PLEKHA6: variants seen among roughly 807,000 people sequenced by gnomAD.
PLEKHA6 encodes pleckstrin homology domain containing A6.
Under a neutral mutation model 116.7 loss-of-function variants are expected in PLEKHA6, and 60 were observed. That is an observed-to-expected ratio of 0.51 (90% CI 0.42 to 0.64). The LOEUF (loss-of-function observed/expected upper bound fraction) is 0.64. Among genes scored for constraint, PLEKHA6 ranks in the 30% least tolerant of loss-of-function variants. PLEKHA6 has a pLI of 0.00. For missense variants in PLEKHA6, 1,338 were observed against 1,422.7 expected, an observed-to-expected ratio of 0.94 and a Z score of 0.96; for synonymous variants, 489 against 556.1, an observed-to-expected ratio of 0.88 and a Z score of 1.70.
intron 1 of PLEKHA6, among the ~76,000 whole-genome samples, chr1:204,340,124 T>C (rs1446270173): frequency 1.3e-5 from 2 of 152,108 alleles, no homozygotes; most frequent in African/African-American, 2.4e-5. Flanking sequence ...GGAGACAATA[T>C]TTTGGAAAAT....
chr1:204,260,731 G>A (rs887376155), intron 7 of PLEKHA6, among the ~76,000 whole-genome samples: 7 of 152,222 alleles, frequency 4.6e-5, no homozygotes, highest in African/African-American at 1.7e-4. Flanking sequence ...TCCAGTTAAG[G>A]GAGAGACAGA....
intron 15 of PLEKHA6, among the ~76,000 whole-genome samples, chr1:204,244,120 C>T (rs577683893): frequency 6.6e-6 from 1 of 151,340 alleles, no homozygotes; most frequent in South Asian, 2.1e-4. Context: ...CACGCCCAGC[C>T]TCTTTCTTTT....
intron 1 of PLEKHA6, among the ~76,000 whole-genome samples, chr1:204,374,393 C>A (rs1020470032): frequency 1.3e-5 from 2 of 152,170 alleles, no homozygotes; most frequent in Admixed American, 6.5e-5. Flanking sequence ...GCCTCTGCTA[C>A]CTAGCCCCTC....
upstream of PLEKHA6, among the ~76,000 whole-genome samples, chr1:204,378,153 C>T (rs374084428): frequency 2.2e-4 from 33 of 152,338 alleles, no homozygotes; most frequent in African/African-American, 7.5e-4. Flanking sequence ...GCAGTGCGAG[C>T]AGGGGTGTTG....
At chr1:204,316,349 C>T (rs1037126137) in intron 1 of PLEKHA6, among the ~76,000 whole-genome samples, 1 of 152,162 alleles carries the variant, frequency 6.6e-6, no homozygotes, top group Non-Finnish European at 1.5e-5. Context: ...CTCCCTGTGC[C>T]CACAAGAAAC....
In PLEKHA6 at chr1:204,261,639, C is replaced by T; in HGVS notation, c.382-191G>A. 1 of 612,444 alleles carries T rather than the reference C, an allele frequency of 1.6e-6. No individual in the cohort carries two copies. 37.9% of individuals were successfully genotyped at this position (612,444 alleles called of 1,614,324 possible). On this transcript the variant is annotated intron_variant, in intron 6 of 22. Transcript: ENST00000272203. This position sits in a 1 kb window ranked among gnomAD's most constrained non-coding sequence, Gnocchi z 4.0. ...CAGCTTGCAGCTACCCCGAGGGTTC[C>T]AGCTGGTACCCACGTATCCACCTTG...
Position 204,257,803 on chromosome 1 carries a change from G to T in PLEKHA6, c.1074C>A (p.Tyr358Ter). The T allele has an allele frequency of 6.2e-7, 1 of 1,614,016 alleles. No individual in the cohort carries two copies. Among genetic ancestry groups the T allele is most frequent in the Non-Finnish European group, 8.5e-7 (1 of 1,179,968 alleles). ...PEYYGPYSSQYPDDYQYYPPG... is the reference protein window; with the variant it reads ...PEYYGPYSSQ Reference sequence around the variant, plus strand: ...GCGGGTAGTACTGATAATCATCGGGGTACTGGGAGGAGTAGGGGCCATAGT... The same window carrying T: ...GCGGGTAGTACTGATAATCATCGGGTTACTGGGAGGAGTAGGGGCCATAGT... Residue 358 changes from tyrosine (Y) to a stop codon, truncating the protein, a stop_gained, in exon 9 of 23, where the codon TAC (tyrosine) becomes TAA (stop). Coordinates refer to ENST00000272203, the MANE Select transcript of PLEKHA6 (RefSeq NM_014935.5). LOFTEE classifies it high-confidence loss of function. This position sits in a 1 kb window ranked among gnomAD's most constrained non-coding sequence, Gnocchi z 6.5.
intron 1 of PLEKHA6, among the ~76,000 whole-genome samples, chr1:204,344,708 A>G (rs991474725): frequency 6.6e-6 from 1 of 152,186 alleles, no homozygotes; most frequent in African/African-American, 2.4e-5. Context: ...GCAGACCAGT[A>G]CCTCATCCAT....
chr1:204,221,295 G>GTGTTCT lies in PLEKHA6; in HGVS notation c.*1492_*1493insAGAACA, dbSNP rs1240153661. The stretch of plus-strand genomic sequence containing the variant: ...GCCATGAAGGAGTGCAGAGGAATTA[G>GTGTTCT]TAGGTGTTCTTGGGACCGCTGGAAG... On this transcript the variant is annotated 3_prime_UTR_variant, in exon 23 of 23. Transcript: ENST00000272203. The GTGTTCT allele has an allele frequency of 6.5e-6, 1 of 152,686 alleles. No individual in the cohort carries two copies. The highest frequency in any genetic ancestry group is 1.5e-5 in the Non-Finnish European group (1 of 68,054). 9.5% of individuals were successfully genotyped at this position (152,686 alleles called of 1,614,324 possible).
chr1:204,274,608 G>A (rs1258169619), intron 2 of PLEKHA6, 121 bp downstream of exon 2: 2 of 985,662 alleles, frequency 2.0e-6, no homozygotes, highest in Non-Finnish European at 2.4e-6. Context: ...GTGAGTCACT[G>A]CAAAGCCCTT....
intron 17 of PLEKHA6, among the ~76,000 whole-genome samples, chr1:204,236,325 A>C (rs1479747371): frequency 6.6e-6 from 1 of 152,182 alleles, no homozygotes; most frequent in African/African-American, 2.4e-5. Flanking sequence ...CCTTGGTTTA[A>C]TGTAGAGGAA....
chr1:204,329,432 T>C (rs998918788), intron 1 of PLEKHA6, among the ~76,000 whole-genome samples: 3 of 152,272 alleles, frequency 2.0e-5, no homozygotes, highest in Middle Eastern at 3.4e-3. Context: ...AAAGATCGCT[T>C]ACTGTGAGAT....
chr1:204,256,302 C>G (rs771299966), intron 9 of PLEKHA6, among the ~76,000 whole-genome samples: 2 of 152,086 alleles, frequency 1.3e-5, no homozygotes, highest in African/African-American at 4.8e-5. Flanking sequence ...AGAACAAATT[C>G]CAGGGAGAGA....
chr1:204,238,070 GTC>G lies in PLEKHA6; in HGVS notation c.2409+3303_2409+3304del, dbSNP rs950899198. Among the ~76,000 whole-genome samples, 3 of 152,210 alleles carry G rather than the reference GTC, an allele frequency of 2.0e-5. No individual in the cohort carries two copies. Among genetic ancestry groups the G allele is most frequent in the African/African-American group, 7.2e-5 (3 of 41,452 alleles). ...CTCCTACAACCAAGAAAGAGGCACAGTCTAGTAGGCCTATTTGGAATTTGGAA... is the reference window on the plus strand; with the variant it reads ...CTCCTACAACCAAGAAAGAGGCACAGTAGTAGGCCTATTTGGAATTTGGAA... On this transcript the variant is annotated intron_variant, in intron 17 of 22. Transcript: ENST00000272203. This position sits in a 1 kb window ranked among gnomAD's most constrained non-coding sequence, Gnocchi z 4.2.
At chr1:204,354,123 G>T (rs1043262119) in intron 1 of PLEKHA6, among the ~76,000 whole-genome samples, 1 of 152,306 alleles carries the variant, frequency 6.6e-6, no homozygotes, top group African/African-American at 2.4e-5. Context: ...CTCAGATCAT[G>T]ATGAGCCAGA....
At chr1:204,302,136 T>C (rs1163828555) in intron 1 of PLEKHA6, among the ~76,000 whole-genome samples, 2 of 152,198 alleles carry the variant, frequency 1.3e-5, no homozygotes, top group African/African-American at 4.8e-5. Context: ...ACCTGAGGCA[T>C]GCAGAATTAA....
chr1:204,259,724 A>T lies in PLEKHA6; in HGVS notation c.541T>A (p.Ser181Thr). 6.2e-7 allele frequency: 1 copy of T among 1,610,720 alleles called. No individual in the cohort carries two copies. Among genetic ancestry groups the T allele is most frequent in the Non-Finnish European group, 8.5e-7 (1 of 1,177,972 alleles). Residue 181 changes from serine (S) to threonine (T), a missense_variant, in exon 8 of 23, where the codon TCG becomes ACG. Around this residue, in one of 3 missense-constraint regions of PLEKHA6, gnomAD observed 140 missense variants for 197.4 expected, o/e 0.71. Transcript: ENST00000272203. This position sits in a 1 kb window ranked among gnomAD's most constrained non-coding sequence, Gnocchi z 4.6. The part of the protein sequence containing the change: ...AVRHSHEKPD[S>T]ENVPPSKHHQ... ...TGCTTGCTGGGTGGGACGTTCTCCG[A>T]GTCTGGCTTCTCATGGCTGCAGGAT...
At chr1:204,352,507 G>T (rs1673312084) in intron 1 of PLEKHA6, among the ~76,000 whole-genome samples, 1 of 152,218 alleles carries the variant, frequency 6.6e-6, no homozygotes, top group Non-Finnish European at 1.5e-5. Flanking sequence ...AGGAAACAGA[G>T]ACCCAGAGAG....
rs551416788 is a variant in PLEKHA6, at chr1:204,224,042, C to A, written c.3032-457G>T. Among the ~76,000 whole-genome samples, 543 of 152,234 alleles carry A rather than the reference C, an allele frequency of 3.6e-3. 1 individual carries two copies. The highest frequency in any genetic ancestry group is 6.1e-3 in the Non-Finnish European group (414 of 68,018). On this transcript the variant is annotated intron_variant, in intron 21 of 22. Coordinates refer to ENST00000272203, the MANE Select transcript of PLEKHA6 (RefSeq NM_014935.5). ...TTAATGAACAGAAGTGAAGTGACCA[C>A]CATGTTAATCAATGCCATAAAAACA...
Sources: allele counts gnomAD v4.1 joint callset (sites outside exome capture counted in the v4.1 genomes callset), GRCh38; gene constraint gnomAD v4.1.1; regional missense constraint gnomAD v4.1.1; non-coding constraint Gnocchi (gnomAD v3.1); transcripts MANE v1.5; gene names NCBI Gene and HGNC (gene_info 2026-07-23, HGNC 2026-07-21).